NEK11: variants seen among roughly 807,000 people sequenced by gnomAD.
NEK11 encodes the protein NIMA related kinase 11.
A neutral mutation model predicts 80.7 loss-of-function variants in NEK11; 72 were observed. The ratio of observed to expected loss-of-function variants is 0.89; its 90% CI spans 0.74 to 1.08. NEK11 has a LOEUF of 1.08. Ranked by LOEUF, NEK11 falls within the 50% of genes least tolerant of loss-of-function variation. NEK11 has a pLI of 0.00. For missense variants in NEK11, 764 were observed against 763.6 expected (o/e 1.00, Z -0.01); for synonymous variants, 251 against 260.7 (o/e 0.96, Z 0.36).
intron 17 of NEK11, among the ~76,000 whole-genome samples, chr3:131,326,602 G>C (rs567118039): frequency 3.3e-5 from 5 of 152,196 alleles, no homozygotes; most frequent in Admixed American, 1.3e-4. Flanking sequence ...TTTTCTTAAT[G>C]AGCAAAAGTA....
Position 131,040,076 on chromosome 3 carries a change from G to A in NEK11, c.170+10198G>A, listed in dbSNP as rs190307769. ...TTGTGCATTGTATAAATAATGTTAT[G>A]TAGTATCAAAAATAAGCAGTTAATA... On this transcript the variant is annotated intron_variant, in intron 3 of 17. Coordinates refer to ENST00000383366, the MANE Select transcript of NEK11 (RefSeq NM_024800.5). 4.2e-3 allele frequency among the ~76,000 whole-genome samples: 634 copies of A among 152,286 alleles called. 1 individual carries two copies. Among genetic ancestry groups the A allele is most frequent in the Non-Finnish European group, 5.8e-3 (392 of 68,010 alleles).
intron 16 of NEK11, among the ~76,000 whole-genome samples, chr3:131,246,236 C>T (rs1255176290): frequency 1.3e-5 from 2 of 152,082 alleles, no homozygotes; most frequent in African/African-American, 4.8e-5. Context: ...CAGCGTGTAG[C>T]CTTTTATCCC....
intron 2 of NEK11, 24 bp from the exon 3 acceptor site, chr3:131,029,589 A>G (rs1023441404): frequency 1.0e-6 from 1 of 974,648 alleles, no homozygotes; most frequent in Admixed American, 2.4e-5. Flanking sequence ...TTTAGACCTG[A>G]TCTTTTAACT....
chr3:131,214,483 C>T (rs1320167626), intron 14 of NEK11, among the ~76,000 whole-genome samples: 1 of 152,126 alleles, frequency 6.6e-6, no homozygotes, highest in East Asian at 1.9e-4. Flanking sequence ...GAATTCATTT[C>T]TCTGAATTTG....
intron 14 of NEK11, among the ~76,000 whole-genome samples, chr3:131,225,397 CAT>C (rs1360138126): frequency 2.0e-5 from 3 of 152,190 alleles, no homozygotes; most frequent in African/African-American, 7.2e-5. Context: ...ACCTGAATGA[CAT>C]ATTCCTCAGA....
intron 4 of NEK11, among the ~76,000 whole-genome samples, chr3:131,100,073 A>C (rs567165681): frequency 6.6e-6 from 1 of 152,310 alleles, no homozygotes; most frequent in East Asian, 1.9e-4. Context: ...TTTGCCATTC[A>C]GTATGATGTT....
Position 131,121,003 on chromosome 3 carries a change from C to T in NEK11, c.455+11082C>T, listed in dbSNP as rs565051491. Among the ~76,000 whole-genome samples the T allele has an allele frequency of 2.6e-5, 4 of 152,326 alleles. No individual in the cohort carries two copies. The South Asian group carries it at 6.2e-4, about 24-fold the overall frequency. The stretch of plus-strand genomic sequence containing the variant: ...CTCTCAACTCGTCAAAGTCATTCTT[C>T]GTCCAGCTTTGTTCCGTTGCTAGCG... On this transcript the variant is annotated intron_variant, in intron 5 of 17. Transcript: ENST00000383366.
At chr3:131,279,757 A>G (rs77588122) in intron 17 of NEK11, among the ~76,000 whole-genome samples, 2,791 of 152,324 alleles carry the variant, frequency 0.018, 40 homozygotes, top group East Asian at 0.084. Context: ...ATCTAGATCT[A>G]TGCATAGTCA....
intron 11 of NEK11, among the ~76,000 whole-genome samples, chr3:131,163,335 C>T (rs78374857): frequency 7.2e-5 from 11 of 152,208 alleles, no homozygotes; most frequent in Admixed American, 1.3e-4. Context: ...ATGGACTCAA[C>T]CTACGTATCC....
At chr3:131,134,202 G>GA (rs2085083803) in intron 7 of NEK11, 1 of 339,216 alleles carries the variant, frequency 2.9e-6, no homozygotes, top group African/African-American at 2.1e-5. Flanking sequence ...AATCACAAGG[G>GA]AAAGTTCTTA....
chr3:131,334,709 G>A (rs1483031039), intron 17 of NEK11, among the ~76,000 whole-genome samples: 1 of 151,908 alleles, frequency 6.6e-6, no homozygotes, highest in Middle Eastern at 3.2e-3. Context: ...CAACAAAATT[G>A]ATAGACCGCT....
chr3:131,287,220 A>G (rs1422670040), intron 17 of NEK11, among the ~76,000 whole-genome samples: 1 of 152,144 alleles, frequency 6.6e-6, no homozygotes, highest in African/African-American at 2.4e-5. Context: ...TATCATGGGA[A>G]TGGGACCCAT....
At chr3:131,227,897 A>T (rs1270775239) in intron 14 of NEK11, among the ~76,000 whole-genome samples, 1 of 152,198 alleles carries the variant, frequency 6.6e-6, no homozygotes, top group Non-Finnish European at 1.5e-5. Context: ...TCATCAGCTT[A>T]GGTGGGTATT....
chr3:131,103,083 G>A (rs1233525822), intron 4 of NEK11, among the ~76,000 whole-genome samples: 2 of 151,976 alleles, frequency 1.3e-5, no homozygotes, highest in Admixed American at 1.3e-4. Context: ...CTAATTCCTT[G>A]GAATCCTTGG....
chr3:131,197,881 C>G (rs548916336), intron 14 of NEK11, among the ~76,000 whole-genome samples: 1 of 152,112 alleles, frequency 6.6e-6, no homozygotes, highest in African/African-American at 2.4e-5. Context: ...ATCTGCTTGG[C>G]GGTTCCCTTC....
At chr3:131,323,007 A>G (rs1033450820) in intron 17 of NEK11, among the ~76,000 whole-genome samples, 1 of 152,196 alleles carries the variant, frequency 6.6e-6, no homozygotes, top group Non-Finnish European at 1.5e-5. Flanking sequence ...TTATGTCTGA[A>G]AGCCCATGCC....
intron 16 of NEK11, among the ~76,000 whole-genome samples, chr3:131,272,950 A>G (rs934923253): frequency 4.6e-5 from 7 of 152,132 alleles, no homozygotes; most frequent in African/African-American, 1.7e-4. Context: ...TCTGAACACA[A>G]CTTTGGCCTT....
At chr3:131,226,059 G>A (rs2095183910) in intron 14 of NEK11, among the ~76,000 whole-genome samples, 3 of 152,108 alleles carry the variant, frequency 2.0e-5, no homozygotes, top group Non-Finnish European at 4.4e-5. Flanking sequence ...AACTGTCAAA[G>A]GGACAAAGAG....
intron 17 of NEK11, among the ~76,000 whole-genome samples, chr3:131,274,005 T>C (rs1371860193): frequency 1.3e-5 from 2 of 151,828 alleles, no homozygotes; most frequent in East Asian, 3.9e-4. Flanking sequence ...ATGTGCACAT[T>C]GTGCAGGTTA....
Sources: allele counts gnomAD v4.1 joint callset (sites outside exome capture counted in the v4.1 genomes callset), GRCh38; gene constraint gnomAD v4.1.1; transcripts MANE v1.5; gene names NCBI Gene and HGNC (gene_info 2026-07-23, HGNC 2026-07-21).